TRIM71: variants seen among roughly 807,000 people sequenced by gnomAD.
The protein encoded by TRIM71 is E3 ubiquitin-protein ligase TRIM71.
TRIM71 carries 9 observed loss-of-function variants against 61.2 expected under a neutral mutation model. That is an observed-to-expected ratio of 0.15 (90% CI 0.09 to 0.26). TRIM71 has a LOEUF of 0.26. Among genes scored for constraint, TRIM71 ranks in the 10% least tolerant of loss-of-function variants. The pLI is 1.00. For synonymous variants in TRIM71, 645 were observed against 553.2 expected, an observed-to-expected ratio of 1.17 and a Z score of -2.33; for missense variants, 998 against 1,238.7, an observed-to-expected ratio of 0.81 and a Z score of 2.92.
At chr3:32,856,061 A>C (rs1169958667) in intron 1 of TRIM71, among the ~76,000 whole-genome samples, 1 of 152,140 alleles carries the variant, frequency 6.6e-6, no homozygotes, top group African/African-American at 2.4e-5. Context: ...TCTGTCACTC[A>C]GGCTGGAGTG....
chr3:32,878,396 G>A (rs1163625963), intron 2 of TRIM71, among the ~76,000 whole-genome samples: 1 of 152,204 alleles, frequency 6.6e-6, no homozygotes, highest in Non-Finnish European at 1.5e-5. Context: ...GATCACCTGG[G>A]ATGAGGAGTT....
chr3:32,875,936 C>T (rs919399945), intron 2 of TRIM71, among the ~76,000 whole-genome samples: 3 of 152,318 alleles, frequency 2.0e-5, no homozygotes, highest in African/African-American at 7.2e-5. Flanking sequence ...ATCACATTCC[C>T]ATGCATGATA....
chr3:32,818,856 C>T lies in TRIM71; in HGVS notation c.776C>T (p.Pro259Leu). Residue 259 changes from proline to leucine, a missense_variant, in exon 1 of 4, where the codon CCC becomes CTC. Physicochemically the swap from Pro to Leu is moderately conservative, Grantham distance 98 (BLOSUM62 -3). Coordinates refer to ENST00000383763, the MANE Select transcript of TRIM71 (RefSeq NM_001039111.3). ...AAAQQLGLGP[P>L]FPGPPFSILS... ...GCGCAGCAGCTCGGGCTCGGGCCGC[C>T]CTTTCCCGGCCCGCCCTTCTCCATC... The T allele has an allele frequency of 2.5e-6, 4 of 1,612,340 alleles. No individual in the cohort carries two copies. Among genetic ancestry groups the T allele is most frequent in the Non-Finnish European group, 3.4e-6 (4 of 1,179,740 alleles).
rs1042435450 is a variant in TRIM71, at chr3:32,896,227, T to C, written c.*4416T>C. On this transcript the variant is annotated 3_prime_UTR_variant, in exon 4 of 4. Coordinates refer to ENST00000383763, the MANE Select transcript of TRIM71 (RefSeq NM_001039111.3). ...TGCAAATAATACCCTTTAGGAGCAA[T>C]TCTAAAGGTCTAGATCTTGGAAACA... is the stretch of plus-strand genomic sequence containing the variant. 2.0e-5 allele frequency: 3 copies of C among 152,174 alleles called. No individual in the cohort carries two copies. The highest frequency in any genetic ancestry group is 7.2e-5 in the African/African-American group (3 of 41,446). The allele number at this position is 152,174 out of a possible 1,614,324, so 9.4% of individuals were successfully genotyped here.
rs1220897371 is a variant in TRIM71, at chr3:32,863,718, G to A, written c.853-10100G>A. On this transcript the variant is annotated intron_variant, in intron 1 of 3. Transcript: ENST00000383763. The stretch of plus-strand genomic sequence containing the variant: ...GTTTTTTTGAGACGGAGTCTCCTCT[G>A]TCACCCAGGCTGGAGTGCAGTGGTG... 2.0e-5 allele frequency among the ~76,000 whole-genome samples: 3 copies of A among 152,090 alleles called. No homozygotes were observed. The East Asian group carries it at 5.8e-4, about 29-fold the overall frequency.
intron 1 of TRIM71, among the ~76,000 whole-genome samples, chr3:32,831,361 T>C (rs1696268772): frequency 2.6e-5 from 4 of 151,998 alleles, no homozygotes; most frequent in African/African-American, 9.7e-5. Flanking sequence ...CCAGACCTAT[T>C]TGTGGGGAGC....
chr3:32,862,419 G>C (rs949877620), intron 1 of TRIM71, among the ~76,000 whole-genome samples: 1 of 152,242 alleles, frequency 6.6e-6, no homozygotes, highest in East Asian at 1.9e-4. Flanking sequence ...CACCATCTCA[G>C]CCACATGGGT....
At chr3:32,880,002 C>T (rs1482261085) in intron 2 of TRIM71, among the ~76,000 whole-genome samples, 1 of 151,792 alleles carries the variant, frequency 6.6e-6, no homozygotes, top group East Asian at 1.9e-4. Flanking sequence ...TCTTTTTTAT[C>T]TATGAAGTGC....
chr3:32,878,645 T>A (rs1575357996), intron 2 of TRIM71, among the ~76,000 whole-genome samples: 4 of 151,902 alleles, frequency 2.6e-5, no homozygotes, highest in South Asian at 4.2e-4. Flanking sequence ...TAAATAAAAA[T>A]TTTAAAAATT....
At chr3:32,840,849 C>CTT (rs1162130002) in intron 1 of TRIM71, among the ~76,000 whole-genome samples, 1 of 152,204 alleles carries the variant, frequency 6.6e-6, no homozygotes, top group African/African-American at 2.4e-5. Flanking sequence ...AGGGGGCATG[C>CTT]TTCTGGCCCT....
At chr3:32,881,874 T>A (rs1444431462) in intron 2 of TRIM71, among the ~76,000 whole-genome samples, 1 of 152,104 alleles carries the variant, frequency 6.6e-6, no homozygotes, top group Admixed American at 6.5e-5. Context: ...GAAAGACCTA[T>A]TTTTCCACTA....
intron 1 of TRIM71, among the ~76,000 whole-genome samples, chr3:32,851,179 C>G (rs187435582): frequency 1.3e-5 from 2 of 152,216 alleles, no homozygotes; most frequent in African/African-American, 2.4e-5. Context: ...TTTTGATAAG[C>G]CTTACGTCTC....
chr3:32,829,759 C>G (rs550621227), intron 1 of TRIM71, among the ~76,000 whole-genome samples: 5 of 152,028 alleles, frequency 3.3e-5, no homozygotes, highest in African/African-American at 1.2e-4. Flanking sequence ...AATGGGAATG[C>G]TGAGGCCTGG....
At chr3:32,860,645 G>A (rs1359362836) in intron 1 of TRIM71, among the ~76,000 whole-genome samples, 1 of 152,070 alleles carries the variant, frequency 6.6e-6, no homozygotes, top group African/African-American at 2.4e-5. Context: ...CTCTTAACCT[G>A]CCCAGTAACT....
At chr3:32,859,067 A>C (rs1696637767) in intron 1 of TRIM71, among the ~76,000 whole-genome samples, 1 of 152,108 alleles carries the variant, frequency 6.6e-6, no homozygotes, top group South Asian at 2.1e-4. Flanking sequence ...TGACCTGCTC[A>C]GTCTGGGCAG....
chr3:32,890,806 C>T lies in TRIM71; in HGVS notation c.1602C>T (p.Asn534=). ...MSAVVLGPDG[N]LFGAEVSDQQ... ...CTGTGGTCCTGGGCCCTGATGGCAA[C>T]CTGTTTGGTGCAGAGGTGAGTGATC... The change falls in exon 4 of 4, where the codon AAC becomes AAT. Residue 534 remains asparagine, a synonymous_variant. Coordinates refer to ENST00000383763, the MANE Select transcript of TRIM71 (RefSeq NM_001039111.3). This position sits in a 1 kb window ranked among gnomAD's most constrained non-coding sequence, Gnocchi z 6.2. 1.2e-6 allele frequency: 2 copies of T among 1,614,180 alleles called. No homozygotes were observed. Among genetic ancestry groups the T allele is most frequent in the Non-Finnish European group, 1.7e-6 (2 of 1,180,036 alleles).
intron 1 of TRIM71, among the ~76,000 whole-genome samples, chr3:32,857,777 C>T (rs997934253): frequency 1.3e-5 from 2 of 152,178 alleles, no homozygotes; most frequent in Non-Finnish European, 2.9e-5. Flanking sequence ...TCAAGACCAG[C>T]CTGGCCAACA....
chr3:32,834,342 A>T (rs1696308192), intron 1 of TRIM71, among the ~76,000 whole-genome samples: 1 of 152,236 alleles, frequency 6.6e-6, no homozygotes, highest in African/African-American at 2.4e-5. Flanking sequence ...TTTCATGTTA[A>T]GCCTGTTGTG....
rs568987274 is a variant in TRIM71 at position 32,896,503 on chromosome 3, A to C, written c.*4692A>C. 6.6e-6 allele frequency: 1 copy of C among 152,054 alleles called. No homozygotes were observed. Among genetic ancestry groups the C allele is most frequent in the East Asian group, 1.9e-4 (1 of 5,178 alleles). 9.4% of individuals were successfully genotyped at this position (152,054 alleles called of 1,614,324 possible). ...GTTGAGAAGCACATTACCAGGATAT[A>C]CTGTATTGACCCTCCCACCTCTCTT... is the stretch of plus-strand genomic sequence containing the variant. On this transcript the variant is annotated 3_prime_UTR_variant, in exon 4 of 4. Coordinates refer to ENST00000383763, the MANE Select transcript of TRIM71 (RefSeq NM_001039111.3).
Sources: allele counts gnomAD v4.1 joint callset (sites outside exome capture counted in the v4.1 genomes callset), GRCh38; gene constraint gnomAD v4.1.1; non-coding constraint Gnocchi (gnomAD v3.1); transcripts MANE v1.5; gene names NCBI Gene and HGNC (gene_info 2026-07-23, HGNC 2026-07-21).